The following LAMB4 variants were observed in gnomAD, a reference collection of about 807,000 sequenced individuals.
LAMB4 encodes the protein laminin subunit beta 4.
A neutral mutation model predicts 199.2 loss-of-function variants in LAMB4; 196 were observed. The ratio of observed to expected loss-of-function variants is 0.98; its 90% CI spans 0.88 to 1.11. LAMB4 has a LOEUF of 1.11. LAMB4 is among the 50% of genes least tolerant of loss of function. The probability of loss-of-function intolerance (pLI) is 0.00; values close to 1 mark genes in which losing one functional copy is unlikely to be tolerated. For missense variants in LAMB4, 2,080 were observed against 2,171.2 expected, an observed-to-expected ratio of 0.96 and a Z score of 0.83; for synonymous variants, 744 against 770.6, an observed-to-expected ratio of 0.97 and a Z score of 0.57.
chr7:108,107,587 A>T (rs772401959), intron 6 of LAMB4, 44 bp downstream of exon 6: 1 of 1,444,126 alleles, frequency 6.9e-7, no homozygotes, highest in African/African-American at 1.5e-5. Context: ...ATACTTTTTA[A>T]AAGTTTAATT....
chr7:108,063,049 G>C (rs1360379289), intron 22 of LAMB4, 55 bp from the exon 23 acceptor site: 3 of 1,231,058 alleles, frequency 2.4e-6, no homozygotes, highest in African/African-American at 3.1e-5. Flanking sequence ...GTGGCATTTA[G>C]CAAACCATAC....
At position 108,056,801 on chromosome 7, in the gene LAMB4, C is replaced by T. The variant is rs536707602; in HGVS notation, c.3380-794G>A. Among the ~76,000 whole-genome samples the T allele has an allele frequency of 5.9e-5, 9 of 152,094 alleles. No individual in the cohort carries two copies. In the South Asian group the frequency reaches 1.9e-3, roughly 32 times the overall value. ...CATGAGCAACATGGTGAAACCCTAT[C>T]TCTACAAAAAATACAAAAATTAGCC... On this transcript the variant is annotated intron_variant, in intron 24 of 33. Transcript: ENST00000388781.
intron 1 of LAMB4, among the ~76,000 whole-genome samples, chr7:108,129,378 AC>A (rs755275027): frequency 3.3e-5 from 5 of 152,224 alleles, no homozygotes; most frequent in Non-Finnish European, 5.9e-5. Context: ...TTTCTGGTAC[AC>A]AAATAATTGT....
intron 14 of LAMB4, among the ~76,000 whole-genome samples, chr7:108,089,440 T>C (rs533583031): frequency 4.6e-5 from 7 of 152,356 alleles, no homozygotes; most frequent in Non-Finnish European, 8.8e-5. Flanking sequence ...CTGGCTAGAC[T>C]GTCTTCTCAT....
chr7:108,036,893 C>T (rs1430970183), intron 30 of LAMB4, among the ~76,000 whole-genome samples: 4 of 142,886 alleles, frequency 2.8e-5, no homozygotes, highest in African/African-American at 1.0e-4. Context: ...CCATTATTTT[C>T]AATGGCAAAA....
chr7:108,126,753 A>G (rs1199581864), intron 1 of LAMB4, among the ~76,000 whole-genome samples: 2 of 149,842 alleles, frequency 1.3e-5, no homozygotes, highest in South Asian at 2.1e-4. Flanking sequence ...TATTTTTAGT[A>G]GAGACGGGGT....
chr7:108,104,895 A>C (rs1435121647), intron 8 of LAMB4, among the ~76,000 whole-genome samples: 2 of 152,060 alleles, frequency 1.3e-5, no homozygotes, highest in Non-Finnish European at 2.9e-5. Flanking sequence ...GCAGCCCTCA[A>C]TAAAATGAGG....
chr7:108,087,999 G>T (rs867768305), intron 14 of LAMB4, among the ~76,000 whole-genome samples: 1 of 152,040 alleles, frequency 6.6e-6, no homozygotes, highest in Non-Finnish European at 1.5e-5. Context: ...ATTCATTTAC[G>T]GCATGTGACT....
chr7:108,124,953 G>C (rs1052154783), intron 1 of LAMB4, among the ~76,000 whole-genome samples: 2 of 152,148 alleles, frequency 1.3e-5, no homozygotes, highest in African/African-American at 4.8e-5. Flanking sequence ...AGTCTTTTTA[G>C]GGTGTTTTGC....
intron 21 of LAMB4, among the ~76,000 whole-genome samples, chr7:108,064,432 C>T (rs2150550991): frequency 6.6e-6 from 1 of 152,328 alleles, no homozygotes; most frequent in African/African-American, 2.4e-5. Context: ...GCTGTCACTT[C>T]TAGAAGTGAA....
At chr7:108,118,338 G>C (rs1204778625) in intron 2 of LAMB4, among the ~76,000 whole-genome samples, 1 of 151,826 alleles carries the variant, frequency 6.6e-6, no homozygotes, top group Non-Finnish European at 1.5e-5. Flanking sequence ...TTTGAAAAAA[G>C]AAAATAAAGG....
At position 108,033,480 on chromosome 7, in the gene LAMB4, G is replaced by A. The variant is rs769005442; in HGVS notation, c.4818+728C>T. On this transcript the variant is annotated intron_variant, in intron 31 of 33. Coordinates refer to ENST00000388781, the MANE Select transcript of LAMB4 (RefSeq NM_007356.3). ...GACTGGAGTGCAGTGGCACAATCTC[G>A]GCTCACTGCAACCTCCGCCCCCTGG... is the stretch of plus-strand genomic sequence containing the variant. 2.0e-5 allele frequency among the ~76,000 whole-genome samples: 3 copies of A among 152,164 alleles called. No homozygotes were observed. The East Asian group carries it at 5.8e-4, about 29-fold the overall frequency.
chr7:108,107,505 C>T, intron 6 of LAMB4, 126 bp downstream of exon 6: 1 of 689,000 alleles, frequency 1.5e-6, no homozygotes, highest in Non-Finnish European at 2.4e-6. Flanking sequence ...TAGACACTTT[C>T]ATTTTCAAAA....
intron 17 of LAMB4, chr7:108,075,602 CTA>C (rs1235473605): frequency 6.6e-6 from 1 of 152,216 alleles, no homozygotes; most frequent in African/African-American, 2.4e-5. Context: ...CCACACAATT[CTA>C]TATAATTCTG....
rs772917884 is a variant in LAMB4, at chr7:108,066,369, C to T, written c.2678G>A (p.Arg893Lys). 40 of 1,610,704 alleles carry T rather than the reference C, an allele frequency of 2.5e-5. No individual in the cohort carries two copies. Among genetic ancestry groups the T allele is most frequent in the Non-Finnish European group, 3.3e-5 (39 of 1,177,166 alleles). ...GGFTTGRNCE[R>K]CIDGYYGNPS... ...ATTAAAGTGCATATGAATTCCATAC[C>T]TTTCACAGTTTCTGCCAGTTGTAAA... The change falls in exon 20 of 34, where the codon AGG (arginine) becomes AAG (lysine). Residue 893 changes from arginine to lysine, a missense_variant and splice_region_variant. Coordinates refer to ENST00000388781, the MANE Select transcript of LAMB4 (RefSeq NM_007356.3).
At chr7:108,113,942 G>GT (rs1194542066) in intron 3 of LAMB4, among the ~76,000 whole-genome samples, 12 of 152,146 alleles carry the variant, frequency 7.9e-5, no homozygotes, top group Non-Finnish European at 1.2e-4. Context: ...ATATTTTGAG[G>GT]TTTTTTCCAG....
chr7:108,015,385 A>T, the LAMB4 span, among the ~76,000 whole-genome samples: 2 of 152,194 alleles, frequency 1.3e-5, no homozygotes, highest in Non-Finnish European at 2.9e-5. Flanking sequence ...GGCTCTATTT[A>T]ACTTTCATTT....
downstream of LAMB4, among the ~76,000 whole-genome samples, chr7:108,020,470 CAAAAAA>C (rs57432162): frequency 1.6e-5 from 1 of 62,938 alleles, no homozygotes; most frequent in East Asian, 5.7e-4. Flanking sequence ...GACTCCATCT[CAAAAAA>C]AAAAAAAAAA....
rs146274091 is a variant in LAMB4 at position 108,067,535 on chromosome 7, G to C, written c.2446+481C>G. Among the ~76,000 whole-genome samples the C allele has an allele frequency of 2.5e-3, 377 of 152,326 alleles. 6 individuals are homozygous for C. The highest frequency in any genetic ancestry group is 8.0e-3 in the African/African-American group (332 of 41,572). On this transcript the variant is annotated intron_variant, in intron 19 of 33. Coordinates refer to ENST00000388781, the MANE Select transcript of LAMB4 (RefSeq NM_007356.3). ...GGGTGACTTATAAAATGAGTTACAA[G>C]GCTGTTTGCAAACCTCGCATCAGAA...
Sources: allele counts gnomAD v4.1 joint callset (sites outside exome capture counted in the v4.1 genomes callset), GRCh38; gene constraint gnomAD v4.1.1; transcripts MANE v1.5; gene names NCBI Gene and HGNC (gene_info 2026-07-23, HGNC 2026-07-21).